The following ACOXL variants were observed in gnomAD, a reference collection of about 807,000 sequenced individuals.
ACOXL encodes acyl-CoA oxidase like.
Under a neutral mutation model 71.9 loss-of-function variants are expected in ACOXL, and 70 were observed. The ratio of observed to expected loss-of-function variants is 0.97; its 90% CI spans 0.80 to 1.19. The LOEUF (loss-of-function observed/expected upper bound fraction) is 1.19, where lower values mean the gene tolerates loss of function less well. ACOXL is among the 50% of genes most tolerant of loss of function. ACOXL has a pLI of 0.00. For missense variants in ACOXL, 703 were observed against 736.3 expected (o/e 0.95, Z 0.52); for synonymous variants, 253 against 281.6 (o/e 0.90, Z 1.02).
intron 10 of ACOXL, among the ~76,000 whole-genome samples, chr2:110,876,269 C>G (rs1273025763): frequency 1.3e-5 from 2 of 152,084 alleles, no homozygotes; most frequent in African/African-American, 4.8e-5. Flanking sequence ...CCACAGGATA[C>G]CCACACCCAG....
At chr2:111,028,333 G>C (rs1284416081) in intron 14 of ACOXL, among the ~76,000 whole-genome samples, 1 of 151,930 alleles carries the variant, frequency 6.6e-6, no homozygotes. Flanking sequence ...ACCCAGGCTA[G>C]AGTGCAATGG....
chr2:110,824,902 C>T (rs1372734551), intron 9 of ACOXL, among the ~76,000 whole-genome samples: 3 of 152,118 alleles, frequency 2.0e-5, no homozygotes, highest in African/African-American at 4.8e-5. Context: ...GTGTCTTGGA[C>T]GTTATGATTG....
chr2:110,903,604 G>A (rs909167514), intron 10 of ACOXL, among the ~76,000 whole-genome samples: 1 of 152,202 alleles, frequency 6.6e-6, no homozygotes, highest in Non-Finnish European at 1.5e-5. Flanking sequence ...TATAGCCTTT[G>A]TATGTGTTTT....
At chr2:110,886,858 T>G in intron 10 of ACOXL, 1 of 1,550,886 alleles carries the variant, frequency 6.4e-7, no homozygotes, top group Non-Finnish European at 8.7e-7. Flanking sequence ...CAGGCTAATT[T>G]CCTGAAAACT....
At chr2:111,026,495 T>A (rs2065023121) in intron 14 of ACOXL, among the ~76,000 whole-genome samples, 1 of 149,444 alleles carries the variant, frequency 6.7e-6, no homozygotes, top group African/African-American at 2.4e-5. Context: ...AGATCTTACA[T>A]TTTATAAAAT....
At chr2:110,824,705 C>T (rs1417963505) in intron 9 of ACOXL, among the ~76,000 whole-genome samples, 5 of 152,090 alleles carry the variant, frequency 3.3e-5, no homozygotes. Context: ...CTAAGATTCC[C>T]TATATTTTCA....
intron 16 of ACOXL, among the ~76,000 whole-genome samples, chr2:111,076,408 T>C (rs1053668291): frequency 6.6e-5 from 10 of 152,222 alleles, no homozygotes; most frequent in Non-Finnish European, 2.9e-5. Context: ...TTAATATAAA[T>C]ACTGCAGGCT....
chr2:110,768,147 T>G (rs7419933), intron 1 of ACOXL, among the ~76,000 whole-genome samples: 18,059 of 151,800 alleles, frequency 0.12, 2,807 homozygotes, highest in African/African-American at 0.36. Context: ...ATAATATTAA[T>G]AAGAAGAATA....
intron 11 of ACOXL, among the ~76,000 whole-genome samples, chr2:110,923,894 C>T (rs1163009175): frequency 6.6e-6 from 1 of 151,552 alleles, no homozygotes; most frequent in African/African-American, 2.4e-5. Context: ...TGAGAACACA[C>T]CATTGTCATC....
intron 12 of ACOXL, chr2:110,963,565 ATGTG>A (rs57092184): frequency 0.086 from 123,535 of 1,441,674 alleles, 912 homozygotes; most frequent in Middle Eastern, 0.1. Context: ...CAAATTTGAA[ATGTG>A]TGTGTGTGTG....
intron 15 of ACOXL, among the ~76,000 whole-genome samples, chr2:111,043,538 C>T (rs945218782): frequency 1.2e-4 from 18 of 152,068 alleles, no homozygotes; most frequent in African/African-American, 2.7e-4. Flanking sequence ...GGACAGTGGG[C>T]GCAGTGTCCC....
intron 16 of ACOXL, among the ~76,000 whole-genome samples, chr2:111,056,697 A>T (rs1369850674): frequency 6.6e-6 from 1 of 150,936 alleles, no homozygotes; most frequent in Non-Finnish European, 1.5e-5. Flanking sequence ...CTGAGGCAGG[A>T]GAATCGCTTT....
chr2:111,102,981 T>C (rs1178907018), intron 17 of ACOXL, among the ~76,000 whole-genome samples: 3 of 152,152 alleles, frequency 2.0e-5, no homozygotes, highest in Non-Finnish European at 4.4e-5. Context: ...GTTTGGTACT[T>C]AGTAACCATT....
chr2:110,958,689 C>T (rs1020574489), intron 12 of ACOXL, among the ~76,000 whole-genome samples: 7 of 152,314 alleles, frequency 4.6e-5, no homozygotes, highest in Non-Finnish European at 7.4e-5. Flanking sequence ...GAAAATGCCC[C>T]GTGGCAGGAG....
At chr2:110,961,386 A>G (rs2061695065) in intron 12 of ACOXL, among the ~76,000 whole-genome samples, 1 of 152,172 alleles carries the variant, frequency 6.6e-6, no homozygotes, top group African/African-American at 2.4e-5. Flanking sequence ...TCTTTTAGAG[A>G]CTACTGGTGT....
intron 15 of ACOXL, among the ~76,000 whole-genome samples, chr2:111,034,203 C>T (rs1574550323): frequency 6.6e-6 from 1 of 152,208 alleles, no homozygotes; most frequent in East Asian, 1.9e-4. Context: ...CCTCGTGGGG[C>T]TGTTGGAAAT....
At chr2:110,894,857 T>C (rs1027441043) in intron 10 of ACOXL, among the ~76,000 whole-genome samples, 5 of 152,146 alleles carry the variant, frequency 3.3e-5, no homozygotes, top group African/African-American at 1.2e-4. Context: ...GCACCATCAC[T>C]TGGGTAATAG....
At chr2:110,936,302 G>C (rs1354907778) in intron 12 of ACOXL, among the ~76,000 whole-genome samples, 1 of 152,084 alleles carries the variant, frequency 6.6e-6, no homozygotes, top group African/African-American at 2.4e-5. Flanking sequence ...GGGTCTCACT[G>C]TCACCCAAGC....
At chr2:110,946,031 G>A (rs893811791) in intron 12 of ACOXL, among the ~76,000 whole-genome samples, 41 of 152,184 alleles carry the variant, frequency 2.7e-4, no homozygotes, top group African/African-American at 9.6e-4. Flanking sequence ...TTTGAGCAGC[G>A]TTTTGTAATT....
Sources: gnomAD v4.1 joint callset for allele counts (sites outside exome capture counted in the v4.1 genomes callset) on GRCh38, gnomAD v4.1.1 for gene constraint, MANE v1.5 for transcripts, NCBI Gene and HGNC (gene_info 2026-07-23, HGNC 2026-07-21) for gene names.